ZNF423: variants seen among roughly 807,000 people sequenced by gnomAD.
The protein encoded by ZNF423 is zinc finger protein 423.
In ZNF423, 12 loss-of-function variants were observed where a neutral mutation model predicts 95.8. The ratio of observed to expected loss-of-function variants is 0.13; its 90% CI spans 0.08 to 0.20. The LOEUF (loss-of-function observed/expected upper bound fraction) is 0.20, where lower values mean the gene tolerates loss of function less well. Ranked by LOEUF, ZNF423 falls within the 10% of genes least tolerant of loss-of-function variation. The pLI is 1.00. For synonymous variants in ZNF423, 749 were observed against 711.9 expected (o/e 1.05, Z -0.83); for missense variants, 1,316 against 1,737.1 (o/e 0.76, Z 4.31).
upstream of ZNF423, among the ~76,000 whole-genome samples, chr16:49,856,753 C>A (rs1229441722): frequency 8.1e-5 from 12 of 147,864 alleles, no homozygotes; most frequent in East Asian, 2.4e-3. Context: ...TCAGCCCGTG[C>A]GCCGGGCCGC....
intron 5 of ZNF423, among the ~76,000 whole-genome samples, chr16:49,607,069 ATT>A (rs56023806): frequency 5.7e-5 from 8 of 141,002 alleles, no homozygotes; most frequent in Admixed American, 2.1e-4. Flanking sequence ...AATGTTTTGG[ATT>A]TTTTTTTTTT....
chr16:49,727,233 G>A (rs2033044408), intron 3 of ZNF423, among the ~76,000 whole-genome samples: 1 of 152,178 alleles, frequency 6.6e-6, no homozygotes. Context: ...AACAGCTCAT[G>A]GGCCCGGCAT....
intron 3 of ZNF423, among the ~76,000 whole-genome samples, chr16:49,690,915 G>A (rs916694530): frequency 2.0e-5 from 3 of 152,334 alleles, no homozygotes; most frequent in African/African-American, 7.2e-5. Flanking sequence ...AGGTCGGTGA[G>A]CAAACTAAAG....
intron 5 of ZNF423, among the ~76,000 whole-genome samples, chr16:49,575,838 C>A (rs553336544): frequency 1.2e-4 from 18 of 152,192 alleles, no homozygotes; most frequent in Non-Finnish European, 2.1e-4. Context: ...TGAGACACTG[C>A]AGATGGTGTA....
chr16:49,695,894 A>T (rs1222576925), intron 3 of ZNF423, among the ~76,000 whole-genome samples: 1 of 152,236 alleles, frequency 6.6e-6, no homozygotes, highest in African/African-American at 2.4e-5. Context: ...TGCATACATT[A>T]TTCCAATGCA....
chr16:49,747,283 A>G (rs752322607), intron 2 of ZNF423, among the ~76,000 whole-genome samples: 3 of 151,768 alleles, frequency 2.0e-5, no homozygotes, highest in Non-Finnish European at 4.4e-5. Context: ...AGCTACATGT[A>G]TCAACACGGA....
At chr16:49,581,073 G>A (rs1970658457) in intron 5 of ZNF423, among the ~76,000 whole-genome samples, 1 of 152,078 alleles carries the variant, frequency 6.6e-6, no homozygotes, top group Admixed American at 6.5e-5. Context: ...TAAGAACCGT[G>A]GACAAAAACA....
intron 5 of ZNF423, among the ~76,000 whole-genome samples, chr16:49,571,523 G>T (rs762423040): frequency 5.9e-5 from 9 of 152,108 alleles, no homozygotes; most frequent in African/African-American, 9.7e-5. Flanking sequence ...TGAGGGGCAA[G>T]TGTCAGATGG....
At chr16:49,740,402 ACCAACCCCAATT>A (rs968977233) in intron 2 of ZNF423, among the ~76,000 whole-genome samples, 2 of 152,130 alleles carry the variant, frequency 1.3e-5, no homozygotes, top group Non-Finnish European at 2.9e-5. Flanking sequence ...CAAAGAGCCC[ACCAACCCCAATT>A]CCGCACTCGG....
intron 1 of ZNF423, among the ~76,000 whole-genome samples, chr16:49,815,866 C>CAAA (rs748352861): frequency 1.6e-4 from 9 of 57,910 alleles, no homozygotes; most frequent in African/African-American, 3.5e-4. Context: ...TAATTCCAAA[C>CAAA]AAACAAAAAA....
chr16:49,559,030 C>T (rs1310303977), intron 5 of ZNF423, among the ~76,000 whole-genome samples: 3 of 152,240 alleles, frequency 2.0e-5, no homozygotes, highest in Non-Finnish European at 2.9e-5. Context: ...CAACCTTGGA[C>T]ATCCCTGGCC....
At chr16:49,841,501 C>A (rs1278776194) in intron 1 of ZNF423, among the ~76,000 whole-genome samples, 1 of 152,188 alleles carries the variant, frequency 6.6e-6, no homozygotes, top group African/African-American at 2.4e-5. Context: ...CGTGCATAGC[C>A]CAGTGCCTGT....
At chr16:49,780,602 C>A (rs1240118076) in intron 2 of ZNF423, 1 of 152,214 alleles carries the variant, frequency 6.6e-6, no homozygotes, top group African/African-American at 2.4e-5. Flanking sequence ...TTTCTGAGGC[C>A]CCCTGTGCTA....
At chr16:49,790,514 G>A (rs186101826) in intron 1 of ZNF423, among the ~76,000 whole-genome samples, 18 of 152,366 alleles carry the variant, frequency 1.2e-4, no homozygotes, top group African/African-American at 3.8e-4. Context: ...TGTCTCCAAG[G>A]TTGCTTTGAA....
chr16:49,490,956 A>C lies in ZNF423; in HGVS notation c.*319T>G, dbSNP rs760572385. ...ACTAATTCTTTTTTAAAAACTATCA[A>C]TATAATACATGAAGGAACAAAGGAC... On this transcript the variant is annotated 3_prime_UTR_variant, in exon 8 of 8. Transcript: ENST00000563137. 1 of 335,026 alleles carries C rather than the reference A, an allele frequency of 3.0e-6. No individual in the cohort carries two copies. Among genetic ancestry groups the C allele is most frequent in the Non-Finnish European group, 5.5e-6 (1 of 181,832 alleles). The allele number at this position is 335,026 out of a possible 1,614,324, so 20.8% of individuals were successfully genotyped here.
intron 2 of ZNF423, among the ~76,000 whole-genome samples, chr16:49,737,211 G>A (rs959030927): frequency 6.7e-5 from 10 of 150,014 alleles, no homozygotes; most frequent in African/African-American, 2.4e-4. Context: ...CCCATTCAAA[G>A]CACGTGCCAG....
rs962078779 is a variant in ZNF423 at position 49,556,542 on chromosome 16, T to C, written c.3602-31048A>G. Among the ~76,000 whole-genome samples, 8 of 152,160 alleles carry C rather than the reference T, an allele frequency of 5.3e-5. 1 individual carries two copies. Among genetic ancestry groups the C allele is most frequent in the Admixed American group, 3.9e-4 (6 of 15,272 alleles). On this transcript the variant is annotated intron_variant, in intron 5 of 7. Coordinates refer to ENST00000563137, the MANE Select transcript of ZNF423 (RefSeq NM_001379286.1). ...TGCACAGAGAGGAACTCAATAAATA[T>C]GTGTGGAATTGATTCCAACATCCCA...
intron 3 of ZNF423, among the ~76,000 whole-genome samples, chr16:49,677,230 A>AG (rs1306899323): frequency 1.1e-4 from 1 of 9,440 alleles, no homozygotes; most frequent in East Asian, 4.8e-3. Flanking sequence ...AAACAAGAAA[A>AG]GAGAAGAGAA....
At chr16:49,556,083 A>G (rs1268956542) in intron 5 of ZNF423, among the ~76,000 whole-genome samples, 1 of 152,180 alleles carries the variant, frequency 6.6e-6, no homozygotes, top group Non-Finnish European at 1.5e-5. Context: ...CAACCCATCA[A>G]AGGGCTGAGT....
Sources: allele counts gnomAD v4.1 joint callset (sites outside exome capture counted in the v4.1 genomes callset), GRCh38; gene constraint gnomAD v4.1.1; transcripts MANE v1.5; gene names NCBI Gene and HGNC (gene_info 2026-07-23, HGNC 2026-07-21).